Variants in AK5 observed in about 807,000 individuals in gnomAD.
AK5 encodes adenylate kinase isoenzyme 5.
AK5 carries 27 observed loss-of-function variants against 69.5 expected under a neutral mutation model. The ratio of observed to expected loss-of-function variants is 0.39; its 90% CI spans 0.29 to 0.54. The LOEUF is 0.54. Among genes scored for constraint, AK5 ranks in the 20% least tolerant of loss-of-function variants. AK5 has a pLI of 0.71. For missense variants in AK5, 531 were observed against 700.4 expected (o/e 0.76, Z 2.73); for synonymous variants, 260 against 244.4 (o/e 1.06, Z -0.60).
chr1:77,347,871 C>T (rs1489065497), intron 6 of AK5, among the ~76,000 whole-genome samples: 2 of 152,146 alleles, frequency 1.3e-5, no homozygotes, highest in Non-Finnish European at 2.9e-5. Context: ...ATCCCCAAAG[C>T]TCCCTCACTT....
chr1:77,332,615 A>G (rs868424258), intron 5 of AK5, among the ~76,000 whole-genome samples: 7 of 147,670 alleles, frequency 4.7e-5, no homozygotes, highest in African/African-American at 1.8e-4. Flanking sequence ...TTATTTATTT[A>G]TTTATTTATT....
At chr1:77,360,647 G>T (rs72944757) in intron 6 of AK5, among the ~76,000 whole-genome samples, 10,110 of 140,576 alleles carry the variant, frequency 0.072, 415 homozygotes, top group Non-Finnish European at 0.092. Flanking sequence ...GTGCTTGTTT[G>T]GTTTGGTTTT....
chr1:77,298,147 G>A, intron 5 of AK5, 200 bp downstream of exon 5: 1 of 444,764 alleles, frequency 2.2e-6, no homozygotes, highest in Non-Finnish European at 3.9e-6. Context: ...CTGCCAAAAG[G>A]AAAGATAACT....
rs536145484 is a variant in AK5, at chr1:77,398,587, G to A, written c.892-12394G>A. 2.6e-5 allele frequency among the ~76,000 whole-genome samples: 4 copies of A among 152,332 alleles called. No individual in the cohort carries two copies. In the East Asian group the frequency reaches 5.8e-4, roughly 22 times the overall value. On this transcript the variant is annotated intron_variant, in intron 6 of 13. Transcript: ENST00000354567. ...AATTTTCTGGTTAATTCAGCTTGAC[G>A]AGTATTTGTCTAACTGCTGGGCTCA...
intron 6 of AK5, among the ~76,000 whole-genome samples, chr1:77,391,730 A>G (rs1283332794): frequency 6.6e-6 from 1 of 151,870 alleles, no homozygotes; most frequent in Non-Finnish European, 1.5e-5. Flanking sequence ...TCAGGTAGGA[A>G]TTGTTATTAT....
rs1022082688 is a variant in AK5, at chr1:77,438,447, G to A, written c.1059+20732G>A. ...GCATGCCTTAATGTTTGAGAATCTC[G>A]TTTTGTTTCTTATTAATCTCTTGAG... On this transcript the variant is annotated intron_variant, in intron 8 of 13. Coordinates refer to ENST00000354567, the MANE Select transcript of AK5 (RefSeq NM_174858.3). Among the ~76,000 whole-genome samples, 7 of 152,026 alleles carry A rather than the reference G, an allele frequency of 4.6e-5. No individual in the cohort carries two copies. The South Asian group carries it at 6.2e-4, about 14-fold the overall frequency.
At chr1:77,368,302 AATATATATGTTAT>A (rs1647053953) in intron 6 of AK5, among the ~76,000 whole-genome samples, 1 of 98,198 alleles carries the variant, frequency 1.0e-5, no homozygotes, top group African/African-American at 3.8e-5. Context: ...TGTTATATAT[AATATATATGTTAT>A]ATATAATATA....
chr1:77,454,195 G>A (rs1238769381), intron 8 of AK5, among the ~76,000 whole-genome samples: 2 of 152,216 alleles, frequency 1.3e-5, no homozygotes, highest in Non-Finnish European at 2.9e-5. Context: ...AGGACTGTCA[G>A]CAAGGGAATA....
intron 5 of AK5, among the ~76,000 whole-genome samples, chr1:77,302,019 C>A (rs1341766853): frequency 6.6e-6 from 1 of 151,324 alleles, no homozygotes; most frequent in South Asian, 2.1e-4. Flanking sequence ...AGGGGCACCA[C>A]TGTAGCTCAC....
intron 6 of AK5, among the ~76,000 whole-genome samples, chr1:77,395,093 C>T (rs1450085864): frequency 6.6e-6 from 1 of 152,098 alleles, no homozygotes; most frequent in Non-Finnish European, 1.5e-5. Flanking sequence ...ATATTGATCT[C>T]CTACACTGCT....
At chr1:77,542,961 G>GAC (rs10647386) in intron 13 of AK5, among the ~76,000 whole-genome samples, 3,957 of 152,236 alleles carry the variant, frequency 0.026, 119 homozygotes, top group South Asian at 0.11. Context: ...GAGTTTTGCA[G>GAC]ACAGACAATC....
intron 3 of AK5, among the ~76,000 whole-genome samples, chr1:77,295,226 A>G (rs1441106325): frequency 6.6e-6 from 1 of 152,202 alleles, no homozygotes; most frequent in African/African-American, 2.4e-5. Flanking sequence ...TGTCAAATTT[A>G]TGGAGACCCC....
chr1:77,452,078 G>A lies in AK5; in HGVS notation c.1060-31239G>A, dbSNP rs576602517. Among the ~76,000 whole-genome samples, 7 of 152,108 alleles carry A rather than the reference G, an allele frequency of 4.6e-5. No individual in the cohort carries two copies. The South Asian group carries it at 6.2e-4, about 14-fold the overall frequency. Reference sequence around the variant, plus strand: ...CATTATTTCTGTGAAAATCCACTTCGTATTTTCCCCCTTTGATATATTACT... The same window carrying A: ...CATTATTTCTGTGAAAATCCACTTCATATTTTCCCCCTTTGATATATTACT... On this transcript the variant is annotated intron_variant, in intron 8 of 13. Transcript: ENST00000354567.
chr1:77,404,787 T>C (rs1330017982), intron 6 of AK5, among the ~76,000 whole-genome samples: 1 of 152,222 alleles, frequency 6.6e-6, no homozygotes, highest in Non-Finnish European at 1.5e-5. Context: ...GCTCTACGTT[T>C]GTATGTCCAG....
chr1:77,291,279 T>C (rs1293649406), intron 2 of AK5, among the ~76,000 whole-genome samples: 1 of 152,144 alleles, frequency 6.6e-6, no homozygotes, highest in African/African-American at 2.4e-5. Flanking sequence ...TTTCTCATAT[T>C]CCAACCCTAA....
chr1:77,453,526 G>T lies in AK5; in HGVS notation c.1060-29791G>T, dbSNP rs79781203. Among the ~76,000 whole-genome samples the T allele has an allele frequency of 8.2e-3, 1,250 of 152,268 alleles. 75 individuals carry two copies. The East Asian group carries it at 0.15, about 18-fold the overall frequency. On this transcript the variant is annotated intron_variant, in intron 8 of 13. Transcript: ENST00000354567. ...ATTTATTTATCTGTTCCAATCATGG[G>T]CATCTAGGTTGTTTCCGATTTCTAA...
intron 9 of AK5, among the ~76,000 whole-genome samples, chr1:77,484,712 C>A (rs1655480969): frequency 6.6e-6 from 1 of 152,130 alleles, no homozygotes; most frequent in Non-Finnish European, 1.5e-5. Context: ...CCATTTAAAA[C>A]CTTATGACAT....
intron 8 of AK5, among the ~76,000 whole-genome samples, chr1:77,445,738 C>T (rs142840680): frequency 6.6e-6 from 1 of 152,118 alleles, no homozygotes; most frequent in Non-Finnish European, 1.5e-5. Context: ...GCACCTGCCA[C>T]CATACCCGGC....
intron 8 of AK5, among the ~76,000 whole-genome samples, chr1:77,425,451 G>T (rs1051352880): frequency 2.6e-5 from 4 of 152,136 alleles, no homozygotes; most frequent in African/African-American, 9.7e-5. Flanking sequence ...GCCGGGTATG[G>T]TGGCACACGC....
Sources: allele counts gnomAD v4.1 joint callset (sites outside exome capture counted in the v4.1 genomes callset), GRCh38; gene constraint gnomAD v4.1.1; transcripts MANE v1.5; gene names NCBI Gene and HGNC (gene_info 2026-07-23, HGNC 2026-07-21).